TRHDE: variants seen among roughly 807,000 people sequenced by gnomAD.
TRHDE encodes thyrotropin releasing hormone degrading enzyme, also known as thyrotropin-releasing hormone-degrading ectoenzyme.
In TRHDE, 72 loss-of-function variants were observed where a neutral mutation model predicts 125.7. The ratio of observed to expected loss-of-function variants is 0.57; its 90% CI spans 0.47 to 0.70. The LOEUF (loss-of-function observed/expected upper bound fraction) is 0.70, where lower values mean the gene tolerates loss of function less well. Among genes scored for constraint, TRHDE ranks in the 30% least tolerant of loss-of-function variants. TRHDE has a pLI of 0.00. For synonymous variants in TRHDE, 509 were observed against 509.1 expected, an observed-to-expected ratio of 1.00 and a Z score of 0.00; for missense variants, 1,110 against 1,327.1, an observed-to-expected ratio of 0.84 and a Z score of 2.54.
At chr12:72,515,838 C>A (rs1374432110) in intron 6 of TRHDE, among the ~76,000 whole-genome samples, 3 of 151,276 alleles carry the variant, frequency 2.0e-5, no homozygotes, top group Non-Finnish European at 2.9e-5. Context: ...AGGAAGGGAT[C>A]CAGTTTCAGC....
chr12:72,413,493 T>C (rs185129633), intron 3 of TRHDE, among the ~76,000 whole-genome samples: 1 of 151,920 alleles, frequency 6.6e-6, no homozygotes, highest in East Asian at 1.9e-4. Context: ...GGACTACATA[T>C]ATGGTTAAAC....
At chr12:72,377,767 A>G (rs1871957250) in intron 2 of TRHDE, among the ~76,000 whole-genome samples, 3 of 152,178 alleles carry the variant, frequency 2.0e-5, no homozygotes, top group Admixed American at 1.3e-4. Flanking sequence ...TCTCAATGTC[A>G]TCTTGTAAAG....
At chr12:72,324,885 GTCTT>G (rs1869268335) in intron 2 of TRHDE, among the ~76,000 whole-genome samples, 1 of 151,944 alleles carries the variant, frequency 6.6e-6, no homozygotes, top group Non-Finnish European at 1.5e-5. Flanking sequence ...ATGTTCTCTT[GTCTT>G]TCTGTCACAA....
chr12:72,354,952 G>A (rs2135744285), intron 2 of TRHDE, among the ~76,000 whole-genome samples: 1 of 151,494 alleles, frequency 6.6e-6, no homozygotes, highest in South Asian at 2.1e-4. Flanking sequence ...GGAATTTGCA[G>A]AGTAGAGTGG....
intron 2 of TRHDE, among the ~76,000 whole-genome samples, chr12:72,251,893 A>G (rs2139387495): frequency 6.6e-6 from 1 of 152,088 alleles, no homozygotes; most frequent in South Asian, 2.1e-4. Flanking sequence ...CATTTCCCTA[A>G]CGGTTTATGA....
chr12:72,469,127 T>G (rs545029643), intron 3 of TRHDE, among the ~76,000 whole-genome samples: 1 of 152,308 alleles, frequency 6.6e-6, no homozygotes, highest in African/African-American at 2.4e-5. Context: ...CTTAAGAAAT[T>G]AAGTGATTTA....
intron 3 of TRHDE, among the ~76,000 whole-genome samples, chr12:72,417,756 T>C (rs1329100753): frequency 1.3e-5 from 2 of 152,026 alleles, no homozygotes; most frequent in Non-Finnish European, 2.9e-5. Flanking sequence ...AAATAAGCCT[T>C]AAGTACTTCT....
At chr12:72,192,269 T>G (rs946507643) in intron 2 of TRHDE, among the ~76,000 whole-genome samples, 1 of 152,130 alleles carries the variant, frequency 6.6e-6, no homozygotes, top group Non-Finnish European at 1.5e-5. Context: ...TGCATTTCTA[T>G]CAAGGTCCCA....
intron 7 of TRHDE, among the ~76,000 whole-genome samples, chr12:72,543,824 T>TATA (rs1869277103): frequency 6.8e-6 from 1 of 147,232 alleles, no homozygotes; most frequent in Admixed American, 6.8e-5. Context: ...TTATTATTAT[T>TATA]ATTATTATGA....
chr12:72,166,387 GCA>G lies in TRHDE; in HGVS notation n.279+60642_279+60643del, dbSNP rs143483958. On this transcript the variant is annotated intron_variant and non_coding_transcript_variant, in intron 2 of 4. Coordinates refer to the TRHDE transcript ENST00000548156. ...TATATATACACATACATATATCTAT[GCA>G]CACACATATACAATTACCAGCAGAA... is the stretch of plus-strand genomic sequence containing the variant. Among the ~76,000 whole-genome samples, 508 of 151,106 alleles carry G rather than the reference GCA, an allele frequency of 3.4e-3. 4 individuals are homozygous for G. Among genetic ancestry groups the G allele is most frequent in the African/African-American group, 0.011 (467 of 41,130 alleles).
At chr12:72,265,842 T>A (rs1879055694) in intron 2 of TRHDE, among the ~76,000 whole-genome samples, 1 of 151,966 alleles carries the variant, frequency 6.6e-6, no homozygotes, top group Non-Finnish European at 1.5e-5. Context: ...ATGTTACATA[T>A]CATTAAAAAT....
At chr12:72,520,561 A>C (rs1010771942) in intron 6 of TRHDE, among the ~76,000 whole-genome samples, 4 of 152,106 alleles carry the variant, frequency 2.6e-5, no homozygotes, top group African/African-American at 9.7e-5. Flanking sequence ...TAGTGAGATG[A>C]ACCCGGTACC....
chr12:72,203,416 A>G (rs915654872), intron 2 of TRHDE, among the ~76,000 whole-genome samples: 1 of 152,128 alleles, frequency 6.6e-6, no homozygotes, highest in Non-Finnish European at 1.5e-5. Context: ...TGCAGTGAGC[A>G]GAGATCGCGC....
intron 2 of TRHDE, among the ~76,000 whole-genome samples, chr12:72,364,004 G>A (rs945889964): frequency 6.6e-6 from 1 of 152,010 alleles, no homozygotes; most frequent in Non-Finnish European, 1.5e-5. Flanking sequence ...CAAATCATGA[G>A]TGAACTCCCA....
intron 3 of TRHDE, among the ~76,000 whole-genome samples, chr12:72,419,330 C>A (rs1028400929): frequency 1.3e-5 from 2 of 152,184 alleles, no homozygotes; most frequent in African/African-American, 2.4e-5. Context: ...TTGTCTTAGT[C>A]CATTTTGTGT....
At chr12:72,411,766 T>G (rs2135815449) in intron 3 of TRHDE, among the ~76,000 whole-genome samples, 1 of 152,206 alleles carries the variant, frequency 6.6e-6, no homozygotes, top group Admixed American at 6.5e-5. Flanking sequence ...TAATTATGAG[T>G]GGCATGGGGC....
chr12:72,390,435 T>TA (rs916556839), intron 3 of TRHDE, among the ~76,000 whole-genome samples: 25 of 150,796 alleles, frequency 1.7e-4, no homozygotes, highest in African/African-American at 4.4e-4. Context: ...TCAGCCAATT[T>TA]AAAAAAAAAG....
intron 12 of TRHDE, among the ~76,000 whole-genome samples, chr12:72,578,536 G>A (rs1871103643): frequency 6.6e-6 from 1 of 152,052 alleles, no homozygotes; most frequent in South Asian, 2.1e-4. Context: ...ATATTCTATG[G>A]ATCTGTGTTA....
At chr12:72,178,599 G>T (rs1481844012) in intron 2 of TRHDE, among the ~76,000 whole-genome samples, 1 of 152,042 alleles carries the variant, frequency 6.6e-6, no homozygotes, top group South Asian at 2.1e-4. Flanking sequence ...GGAAATGGAA[G>T]AACATCAAAA....
Sources: allele counts gnomAD v4.1 joint callset (sites outside exome capture counted in the v4.1 genomes callset), GRCh38; gene constraint gnomAD v4.1.1; transcripts MANE v1.5; gene names NCBI Gene and HGNC (gene_info 2026-07-23, HGNC 2026-07-21).